Variants in PPM1D observed in about 807,000 individuals in gnomAD.
PPM1D encodes the protein protein phosphatase, Mg2+/Mn2+ dependent 1D.
A neutral mutation model predicts 58.3 loss-of-function variants in PPM1D; 52 were observed. The ratio of observed to expected loss-of-function variants is 0.89; its 90% CI spans 0.71 to 1.12. The LOEUF is 1.12. Ranked by LOEUF, PPM1D falls within the 50% of genes most tolerant of loss-of-function variation. PPM1D has a pLI of 0.00. For synonymous variants in PPM1D, 278 were observed against 285.1 expected (o/e 0.98, Z 0.25); for missense variants, 564 against 777.2 (o/e 0.73, Z 3.26).
At chr17:60,638,228 TAAA>T (rs969690555) in intron 3 of PPM1D, among the ~76,000 whole-genome samples, 1 of 152,228 alleles carries the variant, frequency 6.6e-6, no homozygotes, top group African/African-American at 2.4e-5. Flanking sequence ...GTTTTAGTGA[TAAA>T]AAAGCTTTTT....
rs2143730979 is a variant in PPM1D at position 60,663,017 on chromosome 17, C to T, written c.1283C>T (p.Pro428Leu). ...PVKSLEEDPW[P>L]RVNSKDHIPA... ...CAGTCACTGGAGGAGGATCCATGGCCAAGGGTGAATTCTAAGGACCATATA... is the reference window on the plus strand; with the variant it reads ...CAGTCACTGGAGGAGGATCCATGGCTAAGGGTGAATTCTAAGGACCATATA... Residue 428 changes from proline (P) to leucine (L), a missense_variant, in exon 6 of 6, where the codon CCA (proline) becomes CTA (leucine). This residue lies in a region of PPM1D where 261 missense variants were observed against 270.1 expected (regional missense o/e 0.97). Transcript: ENST00000305921. 3.1e-6 allele frequency: 5 copies of T among 1,610,302 alleles called. No individual in the cohort carries two copies. The East Asian group carries it at 8.9e-5, about 29-fold the overall frequency.
At chr17:60,621,339 GT>G (rs1455881418) in intron 1 of PPM1D, among the ~76,000 whole-genome samples, 2 of 152,036 alleles carry the variant, frequency 1.3e-5, no homozygotes, top group Non-Finnish European at 1.5e-5. Context: ...GGATATCCAG[GT>G]TTTCCAGTGC....
intron 1 of PPM1D, among the ~76,000 whole-genome samples, chr17:60,618,684 G>A (rs2030633398): frequency 6.6e-6 from 1 of 152,070 alleles, no homozygotes. Context: ...ATATATTCTG[G>A]ATGCTTTTCC....
chr17:60,608,220 A>G (rs2030374001), intron 1 of PPM1D, among the ~76,000 whole-genome samples: 1 of 152,210 alleles, frequency 6.6e-6, no homozygotes, highest in Admixed American at 6.5e-5. Context: ...AATTGATATC[A>G]CTTAGAGAAA....
intron 1 of PPM1D, among the ~76,000 whole-genome samples, chr17:60,612,013 CATG>C (rs2030466889): frequency 6.6e-6 from 1 of 151,162 alleles, no homozygotes; most frequent in Non-Finnish European, 1.5e-5. Context: ...CCACTGACTA[CATG>C]TAGTCAGTGG....
chr17:60,603,948 C>T (rs543955071), intron 1 of PPM1D, among the ~76,000 whole-genome samples: 1 of 152,154 alleles, frequency 6.6e-6, no homozygotes, highest in Non-Finnish European at 1.5e-5. Flanking sequence ...CTATTTTCCC[C>T]CCCAGAGAAA....
In PPM1D at chr17:60,656,335, C is replaced by T. The variant is rs113780881; in HGVS notation, c.1018-264C>T. 7.7e-3 allele frequency among the ~76,000 whole-genome samples: 1,165 copies of T among 151,394 alleles called. 12 individuals are homozygous for T. Among genetic ancestry groups the T allele is most frequent in the African/African-American group, 0.026 (1,086 of 41,232 alleles). ...GGCCATGGTGGCGGGCGCCTGTAGT[C>T]CTAGCTACTCGGGAGGCTGAGGCAG... is the stretch of plus-strand genomic sequence containing the variant. On this transcript the variant is annotated intron_variant, in intron 4 of 5. Transcript: ENST00000305921.
chr17:60,623,649 G>A lies in PPM1D; in HGVS notation c.601G>A (p.Asp201Asn). 6.2e-7 allele frequency: 1 copy of A among 1,614,208 alleles called. No individual in the cohort carries two copies. The highest frequency in any genetic ancestry group is 8.5e-7 in the Non-Finnish European group (1 of 1,180,042). ...GDSGVVLGIQ[D>N]DPKDDFVRAV... ...CTCAGGGGTGGTTCTTGGAATTCAG[G>A]ATGACCCGAAGGATGACTTTGTCAG... Residue 201 changes from aspartate (D) to asparagine (N), a missense_variant, in exon 2 of 6, where the codon GAT becomes AAT. Physicochemically the swap from Asp to Asn is conservative, Grantham distance 23. Coordinates refer to ENST00000305921, the MANE Select transcript of PPM1D (RefSeq NM_003620.4).
intron 3 of PPM1D, among the ~76,000 whole-genome samples, chr17:60,635,494 C>T (rs927628602): frequency 1.3e-5 from 2 of 152,232 alleles, no homozygotes; most frequent in East Asian, 3.9e-4. Context: ...GGATTACAGG[C>T]GTGAGCCACT....
chr17:60,617,215 C>A (rs1281776139), intron 1 of PPM1D, among the ~76,000 whole-genome samples: 4 of 151,486 alleles, frequency 2.6e-5, no homozygotes, highest in Non-Finnish European at 5.9e-5. Context: ...GCCTTGGCCT[C>A]CCAAAGCACT....
chr17:60,665,765 G>A lies in PPM1D; in HGVS notation c.*2213G>A, dbSNP rs1479137590. The A allele has an allele frequency of 1.3e-5, 2 of 152,118 alleles. No individual in the cohort carries two copies. Among genetic ancestry groups the A allele is most frequent in the Non-Finnish European group, 2.9e-5 (2 of 68,040 alleles). The allele number at this position is 152,118 out of a possible 1,614,324, so 9.4% of individuals were successfully genotyped here. A position where few individuals can be genotyped will look rare whatever the true frequency, so the allele number is the denominator to read the frequency against. ...CTACCAACCAGGGCTACAATCTTTC[G>A]AAGGTGTCATTGGGGCTAGAAGATC... On this transcript the variant is annotated 3_prime_UTR_variant, in exon 6 of 6. Coordinates refer to ENST00000305921, the MANE Select transcript of PPM1D (RefSeq NM_003620.4).
At chr17:60,627,764 A>G (rs2030839335) in intron 2 of PPM1D, among the ~76,000 whole-genome samples, 3 of 151,990 alleles carry the variant, frequency 2.0e-5, no homozygotes, top group African/African-American at 4.8e-5. Flanking sequence ...TTTGTCTTTG[A>G]TACTGTTTCA....
At chr17:60,621,240 G>A (rs970192783) in intron 1 of PPM1D, among the ~76,000 whole-genome samples, 1 of 152,126 alleles carries the variant, frequency 6.6e-6, no homozygotes, top group Non-Finnish European at 1.5e-5. Flanking sequence ...TGCTTTCAAT[G>A]TATTTCTTAC....
chr17:60,635,047 C>T (rs965688857), intron 3 of PPM1D, among the ~76,000 whole-genome samples: 7 of 152,258 alleles, frequency 4.6e-5, no homozygotes, highest in South Asian at 4.2e-4. Flanking sequence ...ACTGGGATTA[C>T]AGGCATGAGC....
At chr17:60,645,548 A>ATATATATATGTGTATATATATG (rs2031227456) in intron 3 of PPM1D, among the ~76,000 whole-genome samples, 3 of 127,382 alleles carry the variant, frequency 2.4e-5, no homozygotes, top group Non-Finnish European at 4.5e-5. Flanking sequence ...ATATATATGT[A>ATATATATATGTGTATATATATG]TATATATGTG....
chr17:60,645,039 A>G (rs2031207531), intron 3 of PPM1D, among the ~76,000 whole-genome samples: 1 of 152,154 alleles, frequency 6.6e-6, no homozygotes, highest in African/African-American at 2.4e-5. Context: ...CTGAAAATGT[A>G]TTGAGGTTTA....
At chr17:60,627,321 A>G (rs1312421958) in intron 2 of PPM1D, among the ~76,000 whole-genome samples, 1 of 152,188 alleles carries the variant, frequency 6.6e-6, no homozygotes, top group Non-Finnish European at 1.5e-5. Flanking sequence ...GCAGTAGCAC[A>G]ATCATGGCTC....
chr17:60,631,958 C>CACGA (rs1486531927), intron 2 of PPM1D, among the ~76,000 whole-genome samples: 1 of 151,730 alleles, frequency 6.6e-6, no homozygotes, highest in Admixed American at 6.6e-5. Context: ...GTGGGTGGAT[C>CACGA]ACGAGGTCAG....
At chr17:60,615,754 A>G (rs186607312) in intron 1 of PPM1D, among the ~76,000 whole-genome samples, 119 of 146,502 alleles carry the variant, frequency 8.1e-4, no homozygotes, top group African/African-American at 2.6e-3. Context: ...GGCTGAAGCT[A>G]TCCCCTCCTG....
Sources: allele counts gnomAD v4.1 joint callset (sites outside exome capture counted in the v4.1 genomes callset), GRCh38; gene constraint gnomAD v4.1.1; regional missense constraint gnomAD v4.1.1; transcripts MANE v1.5; gene names NCBI Gene and HGNC (gene_info 2026-07-23, HGNC 2026-07-21).